Variants in GRM8 observed in about 807,000 individuals in gnomAD.
GRM8 encodes the protein metabotropic glutamate receptor 8.
A neutral mutation model predicts 87.2 loss-of-function variants in GRM8; 47 were observed. That is an observed-to-expected ratio of 0.54 (90% CI 0.43 to 0.69). The LOEUF is 0.69. Among genes scored for constraint, GRM8 ranks in the 30% least tolerant of loss-of-function variants. GRM8 has a pLI of 0.00. For synonymous variants in GRM8, 396 were observed against 404.5 expected, an observed-to-expected ratio of 0.98 and a Z score of 0.25; for missense variants, 1,019 against 1,139.2, an observed-to-expected ratio of 0.89 and a Z score of 1.52.
chr7:126,671,942 C>A (rs914447566), intron 7 of GRM8, among the ~76,000 whole-genome samples: 19 of 152,294 alleles, frequency 1.2e-4, no homozygotes, highest in South Asian at 4.1e-4. Flanking sequence ...CGCTGAGACA[C>A]ATTTTTGTCT....
intron 9 of GRM8, among the ~76,000 whole-genome samples, chr7:126,519,042 T>A (rs567423919): frequency 6.6e-6 from 1 of 152,122 alleles, no homozygotes; most frequent in Non-Finnish European, 1.5e-5. Context: ...AAAATGTTTA[T>A]CCCTTTTTCT....
At chr7:126,522,112 G>T (rs1208451370) in intron 9 of GRM8, among the ~76,000 whole-genome samples, 1 of 152,106 alleles carries the variant, frequency 6.6e-6, no homozygotes, top group East Asian at 1.9e-4. Flanking sequence ...GTCCAATTGG[G>T]TAGAAACCTT....
chr7:127,036,825 A>T (rs1191026939), intron 3 of GRM8, among the ~76,000 whole-genome samples: 1 of 152,138 alleles, frequency 6.6e-6, no homozygotes, highest in Non-Finnish European at 1.5e-5. Flanking sequence ...TTTCTTCTGG[A>T]TCCTACGGCA....
chr7:126,737,347 ATC>A lies in GRM8; in HGVS notation c.1357+32516_1357+32517del, dbSNP rs148387310. The stretch of plus-strand genomic sequence containing the variant: ...GACAGCTTCGACTCCTTACGATTTC[ATC>A]TCTGACCTGACCAATCAGCACTTCC... On this transcript the variant is annotated intron_variant, in intron 7 of 10. Transcript: ENST00000339582. Among the ~76,000 whole-genome samples, 348 of 152,044 alleles carry A rather than the reference ATC, an allele frequency of 2.3e-3. 1 individual carries two copies. The highest frequency in any genetic ancestry group is 7.7e-3 in the African/African-American group (321 of 41,516).
chr7:126,495,850 T>C (rs2011451), intron 9 of GRM8, among the ~76,000 whole-genome samples: 125,537 of 151,998 alleles, frequency 0.83, 52,254 homozygotes, highest in African/African-American at 0.94. Flanking sequence ...ATGAGAAAAA[T>C]TTGTTGGCAA....
chr7:127,150,294 G>A (rs776952253), intron 2 of GRM8, among the ~76,000 whole-genome samples: 4 of 152,046 alleles, frequency 2.6e-5, no homozygotes, highest in African/African-American at 4.8e-5. Flanking sequence ...TGACAGCAGA[G>A]GCATTGCAAT....
At chr7:126,753,886 T>C (rs1024118529) in intron 7 of GRM8, among the ~76,000 whole-genome samples, 7 of 151,928 alleles carry the variant, frequency 4.6e-5, no homozygotes, top group Non-Finnish European at 1.0e-4. Context: ...GAATCCACAC[T>C]GGAATGCATC....
intron 3 of GRM8, among the ~76,000 whole-genome samples, chr7:126,907,242 G>A: frequency 7.3e-6 from 1 of 136,358 alleles, no homozygotes; most frequent in Non-Finnish European, 1.6e-5. Flanking sequence ...GGAAGAGATG[G>A]AGGAGGAGGA....
intron 2 of GRM8, among the ~76,000 whole-genome samples, chr7:127,211,488 G>A (rs1198277465): frequency 6.6e-6 from 1 of 152,186 alleles, no homozygotes; most frequent in Non-Finnish European, 1.5e-5. Flanking sequence ...CCAGTCCACT[G>A]ACTCAAATGT....
chr7:126,597,144 C>A (rs1363043135), intron 8 of GRM8, among the ~76,000 whole-genome samples: 2 of 152,068 alleles, frequency 1.3e-5, no homozygotes, highest in Non-Finnish European at 2.9e-5. Flanking sequence ...GCATCCATAA[C>A]CATATTAACA....
intron 8 of GRM8, among the ~76,000 whole-genome samples, chr7:126,539,705 A>T (rs1436986755): frequency 1.3e-5 from 2 of 150,468 alleles, no homozygotes; most frequent in Non-Finnish European, 3.0e-5. Context: ...TCAATAAAGA[A>T]TTTTTTTTTT....
At chr7:126,889,841 G>A (rs1800831259) in intron 6 of GRM8, among the ~76,000 whole-genome samples, 1 of 151,960 alleles carries the variant, frequency 6.6e-6, no homozygotes, top group Admixed American at 6.6e-5. Flanking sequence ...CTTAAAATGA[G>A]GGATGCTCAT....
chr7:127,198,909 C>T (rs1162492743), intron 2 of GRM8, among the ~76,000 whole-genome samples: 2 of 150,312 alleles, frequency 1.3e-5, no homozygotes, highest in Admixed American at 1.3e-4. Context: ...GGCGCAATCT[C>T]GGCTCACTGC....
At chr7:127,170,589 C>T (rs532200573) in intron 2 of GRM8, among the ~76,000 whole-genome samples, 1 of 152,212 alleles carries the variant, frequency 6.6e-6, no homozygotes, top group South Asian at 2.1e-4. Context: ...TGGAACCAGC[C>T]CAAATCCCCA....
At chr7:127,194,166 C>T (rs1366065081) in intron 2 of GRM8, among the ~76,000 whole-genome samples, 2 of 152,184 alleles carry the variant, frequency 1.3e-5, no homozygotes, top group Admixed American at 6.5e-5. Flanking sequence ...GCCTCAGCAT[C>T]CTCGAGTATA....
intron 9 of GRM8, among the ~76,000 whole-genome samples, chr7:126,463,563 C>T (rs905117773): frequency 2.6e-5 from 4 of 151,566 alleles, no homozygotes; most frequent in Non-Finnish European, 4.4e-5. Context: ...TCAGTGACCT[C>T]GGTCTTTGGT....
At chr7:126,699,684 A>G (rs904271805) in intron 7 of GRM8, among the ~76,000 whole-genome samples, 6 of 152,130 alleles carry the variant, frequency 3.9e-5, no homozygotes, top group Non-Finnish European at 5.9e-5. Context: ...GCAGGCTACA[A>G]GGTACCATTT....
At chr7:126,786,317 C>T (rs10230679) in intron 6 of GRM8, among the ~76,000 whole-genome samples, 2,907 of 152,172 alleles carry the variant, frequency 0.019, 97 homozygotes, top group African/African-American at 0.066. Context: ...ACCAAATTAA[C>T]GAACTTTTTA....
intron 2 of GRM8, among the ~76,000 whole-genome samples, chr7:127,126,988 C>G (rs536741914): frequency 6.6e-6 from 1 of 152,052 alleles, no homozygotes; most frequent in South Asian, 2.1e-4. Flanking sequence ...AATCATATTA[C>G]TCTTCAGGGA....
Sources: allele counts gnomAD v4.1 joint callset (sites outside exome capture counted in the v4.1 genomes callset), GRCh38; gene constraint gnomAD v4.1.1; transcripts MANE v1.5; gene names NCBI Gene and HGNC (gene_info 2026-07-23, HGNC 2026-07-21).